FBXL17: variants seen among roughly 807,000 people sequenced by gnomAD.
FBXL17 encodes the protein F-box/LRR-repeat protein 17.
In FBXL17, 22 loss-of-function variants were observed where a neutral mutation model predicts 66.2. The observed-to-expected ratio is 0.33, with a 90% CI of 0.24 to 0.47. The LOEUF (loss-of-function observed/expected upper bound fraction) is 0.47. Among genes scored for constraint, FBXL17 ranks in the 20% least tolerant of loss-of-function variants. The probability of loss-of-function intolerance (pLI) is 1.00; values close to 1 mark genes in which losing one functional copy is unlikely to be tolerated. For missense variants in FBXL17, 878 were observed against 948.2 expected (o/e 0.93, Z 0.97); for synonymous variants, 474 against 400.5 (o/e 1.18, Z -2.19).
At chr5:107,896,199 G>A (rs867742517) in intron 7 of FBXL17, among the ~76,000 whole-genome samples, 6 of 152,030 alleles carry the variant, frequency 3.9e-5, no homozygotes, top group South Asian at 2.1e-4. Flanking sequence ...TCATTATTTC[G>A]TTTAAGAATT....
chr5:108,113,862 C>T (rs991473078), intron 6 of FBXL17, among the ~76,000 whole-genome samples: 4 of 152,096 alleles, frequency 2.6e-5, no homozygotes, highest in Non-Finnish European at 1.5e-5. Context: ...AGGAATGAAG[C>T]TGTGTGTAAC....
At chr5:108,081,585 T>C (rs1465308507) in intron 6 of FBXL17, among the ~76,000 whole-genome samples, 3 of 151,882 alleles carry the variant, frequency 2.0e-5, no homozygotes, top group African/African-American at 7.3e-5. Flanking sequence ...TAGCCGGCCG[T>C]GGTGGCAGGC....
chr5:108,366,666 T>C (rs1748685440), intron 2 of FBXL17, among the ~76,000 whole-genome samples: 1 of 152,028 alleles, frequency 6.6e-6, no homozygotes, highest in African/African-American at 2.4e-5. Context: ...GCTGATAGAT[T>C]GCTTTACACA....
intron 6 of FBXL17, among the ~76,000 whole-genome samples, chr5:108,109,507 A>G (rs1474680306): frequency 6.6e-6 from 1 of 152,208 alleles, no homozygotes; most frequent in Non-Finnish European, 1.5e-5. Context: ...AACCTAGCAT[A>G]AAAAATATAC....
At chr5:107,961,129 G>T (rs1751885982) in intron 7 of FBXL17, among the ~76,000 whole-genome samples, 1 of 152,154 alleles carries the variant, frequency 6.6e-6, no homozygotes, top group Non-Finnish European at 1.5e-5. Flanking sequence ...AGCAACACAT[G>T]CAAGAAGCAC....
At chr5:108,056,081 G>C (rs1044890301) in intron 6 of FBXL17, among the ~76,000 whole-genome samples, 55 of 152,130 alleles carry the variant, frequency 3.6e-4, no homozygotes, top group Non-Finnish European at 2.9e-5. Context: ...CAACATGACT[G>C]ATTATCCAAC....
intron 7 of FBXL17, among the ~76,000 whole-genome samples, chr5:107,989,597 T>C (rs1037859869): frequency 6.6e-6 from 1 of 152,190 alleles, no homozygotes. Context: ...GCAATAGTAA[T>C]AGAAGTGCAG....
intron 5 of FBXL17, among the ~76,000 whole-genome samples, chr5:108,219,309 A>G (rs957745516): frequency 3.1e-4 from 45 of 147,024 alleles, no homozygotes; most frequent in Non-Finnish European, 5.6e-4. Context: ...TCAAGTTATT[A>G]TTTCTTCTTA....
chr5:107,862,643 A>G (rs1169146006), intron 8 of FBXL17, among the ~76,000 whole-genome samples: 1 of 152,232 alleles, frequency 6.6e-6, no homozygotes. Context: ...ACTTTTAGGT[A>G]GCTTTATTTA....
At position 107,859,678 on chromosome 5, in the gene FBXL17, G is replaced by C. The variant is rs998133006; in HGVS notation, c.*2042C>G. 1 of 150,924 alleles carries C rather than the reference G, an allele frequency of 6.6e-6. No individual in the cohort carries two copies. The highest frequency in any genetic ancestry group is 2.4e-5 in the African/African-American group (1 of 41,048). 9.3% of individuals were successfully genotyped at this position (150,924 alleles called of 1,614,324 possible). A position where few individuals can be genotyped will look rare whatever the true frequency, so the allele number is the denominator to read the frequency against. ...ACAACCAAACTGTAACACTCCAAAGGTTATTACAACTTTGAACTGAAATGG... is the reference window on the plus strand; with the variant it reads ...ACAACCAAACTGTAACACTCCAAAGCTTATTACAACTTTGAACTGAAATGG... On this transcript the variant is annotated 3_prime_UTR_variant, in exon 9 of 9. Coordinates refer to ENST00000542267, the MANE Select transcript of FBXL17 (RefSeq NM_001163315.3).
intron 7 of FBXL17, among the ~76,000 whole-genome samples, chr5:107,996,181 C>T (rs1469309843): frequency 6.6e-6 from 1 of 152,188 alleles, no homozygotes; most frequent in African/African-American, 2.4e-5. Context: ...CTCTGCCTTG[C>T]TGAGTTCTCC....
intron 6 of FBXL17, among the ~76,000 whole-genome samples, chr5:108,074,650 T>G (rs1011845487): frequency 6.6e-6 from 1 of 152,212 alleles, no homozygotes; most frequent in African/African-American, 2.4e-5. Flanking sequence ...CACTCACCTC[T>G]CTTCTGCCTT....
Position 108,367,839 on chromosome 5 carries a change from G to A in FBXL17, c.1108C>T (p.Arg370Cys). 2 of 1,550,302 alleles carry A rather than the reference G, an allele frequency of 1.3e-6. No homozygotes were observed. Among genetic ancestry groups the A allele is most frequent in the Non-Finnish European group, 1.7e-6 (2 of 1,146,278 alleles). Residue 370 changes from arginine to cysteine, a missense_variant, in exon 2 of 9, where the codon CGT becomes TGT. By Grantham distance (180) the Arg-to-Cys change is radical (BLOSUM62 -3). Transcript: ENST00000542267. ...AGAATTGGATTCCATACCTGCTGAC[G>A]ACTACTAAGATCCAGCTGCTTCCAA... is the stretch of plus-strand genomic sequence containing the variant. ...QFWKQLDLSS[R>C]QQVTDELLEK...
intron 4 of FBXL17, among the ~76,000 whole-genome samples, chr5:108,307,291 A>C (rs1758891671): frequency 1.3e-5 from 2 of 152,008 alleles, no homozygotes; most frequent in South Asian, 4.1e-4. Context: ...TTTTGAGTAT[A>C]TGTAAAATCT....
intron 8 of FBXL17, among the ~76,000 whole-genome samples, chr5:107,870,077 G>C (rs997479120): frequency 6.6e-5 from 10 of 152,216 alleles, no homozygotes; most frequent in African/African-American, 2.4e-4. Flanking sequence ...AGTTATATCG[G>C]AGTCTTGGTG....
At chr5:108,155,243 G>A (rs554436208) in intron 6 of FBXL17, among the ~76,000 whole-genome samples, 21 of 152,210 alleles carry the variant, frequency 1.4e-4, no homozygotes, top group African/African-American at 2.9e-4. Flanking sequence ...TAGGCTGGGC[G>A]CGGTGCCTCA....
At chr5:108,273,823 T>A (rs867280717) in intron 4 of FBXL17, among the ~76,000 whole-genome samples, 3 of 151,928 alleles carry the variant, frequency 2.0e-5, no homozygotes, top group African/African-American at 7.2e-5. Flanking sequence ...TAGCTTGCTG[T>A]TTTCATTAAG....
At chr5:107,951,258 T>C (rs1427724610) in intron 7 of FBXL17, among the ~76,000 whole-genome samples, 4 of 152,260 alleles carry the variant, frequency 2.6e-5, no homozygotes, top group Admixed American at 2.0e-4. Context: ...TTTGGTCTTA[T>C]GCAATATTTC....
intron 7 of FBXL17, among the ~76,000 whole-genome samples, chr5:108,011,993 A>T (rs1276165018): frequency 6.6e-6 from 1 of 152,232 alleles, no homozygotes; most frequent in African/African-American, 2.4e-5. Context: ...TAAAGCTACT[A>T]TGAAAGTATC....
Sources: gnomAD v4.1 joint callset for allele counts (sites outside exome capture counted in the v4.1 genomes callset) on GRCh38, gnomAD v4.1.1 for gene constraint, MANE v1.5 for transcripts, NCBI Gene and HGNC (gene_info 2026-07-23, HGNC 2026-07-21) for gene names.